SOX5: variants seen among roughly 807,000 people sequenced by gnomAD.
The protein encoded by SOX5 is transcription factor SOX-5.
In SOX5, 9 loss-of-function variants were observed where a neutral mutation model predicts 92.0. The observed-to-expected ratio is 0.10, with a 90% CI of 0.06 to 0.17. SOX5 has a LOEUF of 0.17. Ranked by LOEUF, SOX5 falls within the 10% of genes least tolerant of loss-of-function variation. SOX5 has a pLI of 1.00. For missense variants in SOX5, 642 were observed against 944.5 expected, an observed-to-expected ratio of 0.68 and a Z score of 4.20; for synonymous variants, 344 against 336.3, an observed-to-expected ratio of 1.02 and a Z score of -0.25.
intron 4 of SOX5, among the ~76,000 whole-genome samples, chr12:23,973,607 A>G (rs1948597860): frequency 6.6e-6 from 1 of 152,240 alleles, no homozygotes; most frequent in Admixed American, 6.5e-5. Context: ...CCTTAACTGC[A>G]GGAGACACAT....
intron 9 of SOX5, among the ~76,000 whole-genome samples, chr12:23,589,847 T>C (rs943967043): frequency 1.3e-5 from 2 of 151,990 alleles, no homozygotes; most frequent in African/African-American, 4.8e-5. Context: ...CTAAAAGAAG[T>C]AGAGCATTAA....
At chr12:24,325,284 G>A (rs1378930150) in intron 2 of SOX5, among the ~76,000 whole-genome samples, 1 of 152,074 alleles carries the variant, frequency 6.6e-6, no homozygotes, top group Non-Finnish European at 1.5e-5. Flanking sequence ...AAATTTAAAA[G>A]ATATATATCC....
At chr12:24,005,486 A>G (rs1309159203) in intron 4 of SOX5, among the ~76,000 whole-genome samples, 1 of 152,132 alleles carries the variant, frequency 6.6e-6, no homozygotes, top group East Asian at 1.9e-4. Context: ...TGCATCTACA[A>G]TTCTCTCTGT....
chr12:23,601,482 T>C (rs1306196912), intron 9 of SOX5, among the ~76,000 whole-genome samples: 1 of 152,198 alleles, frequency 6.6e-6, no homozygotes, highest in African/African-American at 2.4e-5. Context: ...GCCAGGTAGG[T>C]ATGTAGACAA....
intron 4 of SOX5, among the ~76,000 whole-genome samples, chr12:24,157,424 C>T (rs12814797): frequency 6.6e-6 from 1 of 152,054 alleles, no homozygotes; most frequent in Non-Finnish European, 1.5e-5. Context: ...TAAACAAATG[C>T]AGAGAAACAA....
intron 1 of SOX5, among the ~76,000 whole-genome samples, chr12:24,447,677 T>C (rs753690272): frequency 7.2e-5 from 11 of 152,230 alleles, no homozygotes; most frequent in Non-Finnish European, 1.3e-4. Flanking sequence ...AGTAACTGTC[T>C]ATACTATCTT....
rs947724160 is a variant in SOX5, at chr12:23,860,963, A to C, written c.271-14770T>G. Among the ~76,000 whole-genome samples, 1,267 of 145,950 alleles carry C rather than the reference A, an allele frequency of 8.7e-3. 9 individuals are homozygous for C. Among genetic ancestry groups the C allele is most frequent in the Non-Finnish European group, 0.015 (982 of 66,166 alleles). Reference sequence around the variant, plus strand: ...CAAAGTATATTTTGTAAAAAAAAAAAAAAAAAAAAAAAAAACCCTGCCAAC... The same window carrying C: ...CAAAGTATATTTTGTAAAAAAAAAACAAAAAAAAAAAAAAACCCTGCCAAC... On this transcript the variant is annotated intron_variant, in intron 2 of 14. Transcript: ENST00000451604.
chr12:23,952,137 A>T (rs1045168322), upstream of SOX5, among the ~76,000 whole-genome samples: 1 of 152,134 alleles, frequency 6.6e-6, no homozygotes, highest in African/African-American at 2.4e-5. Flanking sequence ...TCTTATATCA[A>T]TAGAGAAAAA....
At chr12:24,335,972 C>CATATATATATATATATATAT (rs57461232) in intron 2 of SOX5, among the ~76,000 whole-genome samples, 5,289 of 58,294 alleles carry the variant, frequency 0.091, 875 homozygotes, top group East Asian at 0.32. Context: ...GAAATGCTAT[C>CATATATATATATATATATAT]ATATATATAT....
At chr12:24,234,693 C>T (rs1182432574) in intron 3 of SOX5, among the ~76,000 whole-genome samples, 2 of 152,122 alleles carry the variant, frequency 1.3e-5, no homozygotes, top group African/African-American at 4.8e-5. Flanking sequence ...AAAATAACAC[C>T]TTTTGATGGC....
At chr12:23,648,831 T>C (rs1292032715) in intron 7 of SOX5, among the ~76,000 whole-genome samples, 1 of 152,142 alleles carries the variant, frequency 6.6e-6, no homozygotes, top group African/African-American at 2.4e-5. Context: ...TCTAAGTGAA[T>C]TGGGGAAAAG....
intron 2 of SOX5, among the ~76,000 whole-genome samples, chr12:24,321,188 A>G (rs544976760): frequency 6.6e-6 from 1 of 152,218 alleles, no homozygotes; most frequent in Non-Finnish European, 1.5e-5. Flanking sequence ...TATGGATTAA[A>G]AATGTCTAAG....
chr12:23,788,490 T>G (rs1200246954), intron 3 of SOX5, among the ~76,000 whole-genome samples: 1 of 151,520 alleles, frequency 6.6e-6, no homozygotes, highest in Non-Finnish European at 1.5e-5. Context: ...ACATTTCTTT[T>G]AAAATTCTTC....
At chr12:24,205,476 C>T (rs1957930261) in intron 4 of SOX5, among the ~76,000 whole-genome samples, 1 of 152,076 alleles carries the variant, frequency 6.6e-6, no homozygotes, top group African/African-American at 2.4e-5. Context: ...AAAGGCTTGA[C>T]AAAGATGACA....
chr12:24,367,007 T>A (rs1956240622), intron 2 of SOX5, among the ~76,000 whole-genome samples: 1 of 152,136 alleles, frequency 6.6e-6, no homozygotes, highest in Admixed American at 6.5e-5. Flanking sequence ...TAAGTTTCAT[T>A]TAATGGTGAA....
At chr12:23,824,697 T>TC (rs1568086682) in intron 3 of SOX5, among the ~76,000 whole-genome samples, 1 of 152,056 alleles carries the variant, frequency 6.6e-6, no homozygotes, top group Admixed American at 6.6e-5. Context: ...AGCCTCCCCT[T>TC]CCCCCAGGAG....
intron 2 of SOX5, among the ~76,000 whole-genome samples, chr12:24,337,592 G>A (rs553952937): frequency 6.6e-6 from 1 of 152,052 alleles, no homozygotes; most frequent in South Asian, 2.1e-4. Context: ...TGCCCACCTC[G>A]GCCTCCCAAA....
chr12:24,221,942 A>T (rs189634493), intron 3 of SOX5, among the ~76,000 whole-genome samples: 2 of 152,306 alleles, frequency 1.3e-5, no homozygotes, highest in African/African-American at 4.8e-5. Context: ...TGAATGCAAG[A>T]GTAATAGGAA....
chr12:23,773,337 A>G (rs2094995201), intron 3 of SOX5, among the ~76,000 whole-genome samples: 1 of 152,062 alleles, frequency 6.6e-6, no homozygotes, highest in South Asian at 2.1e-4. Flanking sequence ...TGTAAATATA[A>G]AACCTCTGTG....
Sources: allele counts gnomAD v4.1 joint callset (sites outside exome capture counted in the v4.1 genomes callset), GRCh38; gene constraint gnomAD v4.1.1; transcripts MANE v1.5; gene names NCBI Gene and HGNC (gene_info 2026-07-23, HGNC 2026-07-21).